Variants in MYOZ2 observed in about 807,000 individuals in gnomAD.
MYOZ2 encodes myozenin 2.
MYOZ2 carries 19 observed loss-of-function variants against 25.4 expected under a neutral mutation model. That is an observed-to-expected ratio of 0.75 (90% confidence interval 0.52 to 1.10). MYOZ2 has a LOEUF of 1.10. Ranked by LOEUF, MYOZ2 falls within the 50% of genes least tolerant of loss-of-function variation. MYOZ2 has a pLI of 0.00. For synonymous variants in MYOZ2, 92 were observed against 106.9 expected (o/e 0.86, Z 0.86); for missense variants, 270 against 317.9 (o/e 0.85, Z 1.15).
In MYOZ2 at chr4:119,136,548, T is replaced by C; in HGVS notation, c.23T>C (p.Met8Thr). 1.9e-6 allele frequency: 3 copies of C among 1,613,676 alleles called. No homozygotes were observed. The highest frequency in any genetic ancestry group is 2.5e-6 in the Non-Finnish European group (3 of 1,179,678). The change falls in exon 2 of 6, where the codon ATG (methionine) becomes ACG (threonine). Residue 8 changes from methionine (M) to threonine (T), a missense_variant. Coordinates refer to ENST00000307128, the MANE Select transcript of MYOZ2 (RefSeq NM_016599.5). MLSHNTMMKQRKQQATAI... is the reference protein window; with the variant it reads MLSHNTMTKQRKQQATAI... ...ACCATGCTATCACATAATACTATGATGAAGCAGAGAAAACAGCAAGCAACA... is the reference window on the plus strand; with the variant it reads ...ACCATGCTATCACATAATACTATGACGAAGCAGAGAAAACAGCAAGCAACA...
intron 2 of MYOZ2, among the ~76,000 whole-genome samples, chr4:119,138,690 C>T (rs770720992): frequency 1.3e-5 from 2 of 152,198 alleles, no homozygotes; most frequent in Non-Finnish European, 2.9e-5. Flanking sequence ...TCCCCTTCTC[C>T]TGCCTTCTCT....
chr4:119,150,797 T>C, intron 2 of MYOZ2, 75 bp from the exon 3 acceptor site: 1 of 1,439,842 alleles, frequency 6.9e-7, no homozygotes, highest in South Asian at 1.2e-5. Flanking sequence ...GGTGGAATTT[T>C]AGAATTAAGA....
At position 119,186,414 on chromosome 4, in the gene MYOZ2, TC is replaced by T. The variant is rs1464399625; in HGVS notation, c.*215del. 1 of 537,978 alleles carries T rather than the reference TC, an allele frequency of 1.9e-6. No individual in the cohort carries two copies. The highest frequency in any genetic ancestry group is 1.9e-5 in the African/African-American group (1 of 51,948). 33.3% of individuals were successfully genotyped at this position (537,978 alleles called of 1,614,324 possible). ...AAACTTATAACTCACTTGTCTTCAT[TC>T]ATAATTTTGTTTTCACCTGGTTTAA... On this transcript the variant is annotated 3_prime_UTR_variant, in exon 6 of 6. Transcript: ENST00000307128.
rs150207799 is a variant in MYOZ2, at chr4:119,146,676, C to G, written c.77-4196C>G. ...TATCTTGATATATATTCCACTGGCA[C>G]TTGAAAGAAATGTGTGTTCTATTGT... On this transcript the variant is annotated intron_variant, in intron 2 of 5. Transcript: ENST00000307128. Among the ~76,000 whole-genome samples the G allele has an allele frequency of 2.1e-3, 316 of 152,130 alleles. 2 individuals are homozygous for G. The highest frequency in any genetic ancestry group is 7.2e-3 in the African/African-American group (299 of 41,514).
chr4:119,174,618 C>T (rs1261444630), intron 5 of MYOZ2, among the ~76,000 whole-genome samples: 2 of 152,104 alleles, frequency 1.3e-5, no homozygotes, highest in Non-Finnish European at 2.9e-5. Context: ...GTATCTAGCT[C>T]AGGGATTGTA....
intron 5 of MYOZ2, among the ~76,000 whole-genome samples, chr4:119,165,517 A>G (rs1741804310): frequency 6.6e-6 from 1 of 152,010 alleles, no homozygotes; most frequent in African/African-American, 2.4e-5. Context: ...CTCAAAAAAT[A>G]ATAAATAAAT....
chr4:119,152,896 A>G (rs1473128064), intron 3 of MYOZ2, among the ~76,000 whole-genome samples: 1 of 152,128 alleles, frequency 6.6e-6, no homozygotes, highest in Non-Finnish European at 1.5e-5. Flanking sequence ...AAGCAACACC[A>G]TAATAAAGAA....
chr4:119,162,688 G>A (rs1188055097), intron 4 of MYOZ2, among the ~76,000 whole-genome samples: 1 of 152,134 alleles, frequency 6.6e-6, no homozygotes, highest in Non-Finnish European at 1.5e-5. Flanking sequence ...TTTTAAATAC[G>A]TATCCAAGAT....
chr4:119,159,217 G>A (rs992380516), intron 4 of MYOZ2, among the ~76,000 whole-genome samples: 2 of 151,940 alleles, frequency 1.3e-5, no homozygotes, highest in African/African-American at 4.8e-5. Context: ...ATCACTTTAG[G>A]CCAGGAGCTC....
intron 4 of MYOZ2, among the ~76,000 whole-genome samples, chr4:119,163,356 A>G (rs570429931): frequency 6.6e-6 from 1 of 152,192 alleles, no homozygotes; most frequent in Non-Finnish European, 1.5e-5. Flanking sequence ...CAAGTGGTAA[A>G]GGGATTTGAC....
intron 5 of MYOZ2, among the ~76,000 whole-genome samples, chr4:119,174,023 C>T (rs1335012174): frequency 6.6e-6 from 1 of 152,244 alleles, no homozygotes; most frequent in East Asian, 1.9e-4. Context: ...TGCCTTCCCG[C>T]AGGGCAGGGC....
In MYOZ2 at chr4:119,164,282, T is replaced by C. The variant is rs1037156542; in HGVS notation, c.448T>C (p.Ser150Pro). The change falls in exon 5 of 6, where the codon TCT (serine) becomes CCT (proline). Residue 150 changes from serine to proline, a missense_variant. Coordinates refer to ENST00000307128, the MANE Select transcript of MYOZ2 (RefSeq NM_016599.5). The part of the protein sequence containing the change: ...NTTAVPKYYQ[S>P]PWEQAISNDP... ...CACAGCTGTCCCTAAGTACTATCAA[T>C]CTCCCTGGGAACAAGCCATTAGCAA... is the stretch of plus-strand genomic sequence containing the variant. 1.2e-6 allele frequency: 2 copies of C among 1,613,968 alleles called. No homozygotes were observed. The highest frequency in any genetic ancestry group is 1.7e-6 in the Non-Finnish European group (2 of 1,179,924).
At chr4:119,148,129 G>A (rs1383152876) in intron 2 of MYOZ2, among the ~76,000 whole-genome samples, 1 of 152,044 alleles carries the variant, frequency 6.6e-6, no homozygotes, top group Non-Finnish European at 1.5e-5. Context: ...GGGATTCTGG[G>A]TTGACAATTC....
At chr4:119,147,120 G>A (rs1281498248) in intron 2 of MYOZ2, among the ~76,000 whole-genome samples, 2 of 152,120 alleles carry the variant, frequency 1.3e-5, no homozygotes, top group African/African-American at 4.8e-5. Flanking sequence ...CATGTAGGCA[G>A]CATCGTCCAA....
chr4:119,146,739 G>A (rs1032958208), intron 2 of MYOZ2, among the ~76,000 whole-genome samples: 1 of 151,968 alleles, frequency 6.6e-6, no homozygotes, highest in Admixed American at 6.6e-5. Flanking sequence ...AGTCCTATTC[G>A]TTGCTAATAT....
intron 2 of MYOZ2, among the ~76,000 whole-genome samples, chr4:119,148,757 T>A (rs1741372255): frequency 1.0e-5 from 1 of 99,632 alleles, no homozygotes; most frequent in Non-Finnish European, 2.2e-5. Context: ...CTGCTGCTGA[T>A]GGAGTCATTG....
intron 4 of MYOZ2, among the ~76,000 whole-genome samples, chr4:119,160,988 C>T (rs1460053875): frequency 6.6e-6 from 1 of 151,816 alleles, no homozygotes; most frequent in African/African-American, 2.4e-5. Context: ...AAGACTATAA[C>T]TTATTCCTCC....
chr4:119,173,364 T>G (rs1365927230), intron 5 of MYOZ2, among the ~76,000 whole-genome samples: 1 of 152,190 alleles, frequency 6.6e-6, no homozygotes, highest in Admixed American at 6.5e-5. Context: ...TTTAAATCTT[T>G]CATTGGAAAC....
chr4:119,156,340 A>C (rs1286132351), intron 3 of MYOZ2, among the ~76,000 whole-genome samples: 1 of 151,444 alleles, frequency 6.6e-6, no homozygotes, highest in Non-Finnish European at 1.5e-5. Flanking sequence ...CATACAAGAT[A>C]ATCGGGGAAT....
Sources: allele counts gnomAD v4.1 joint callset (sites outside exome capture counted in the v4.1 genomes callset), GRCh38; gene constraint gnomAD v4.1.1; transcripts MANE v1.5; gene names NCBI Gene and HGNC (gene_info 2026-07-23, HGNC 2026-07-21).